Variants in PDZD2 observed in about 807,000 individuals in gnomAD.
The protein encoded by PDZD2 is PDZ domain-containing protein 2.
In PDZD2, 90 loss-of-function variants were observed where a neutral mutation model predicts 220.7. That is an observed-to-expected ratio of 0.41 (90% CI 0.34 to 0.49). The LOEUF is 0.49. Among genes scored for constraint, PDZD2 ranks in the 20% least tolerant of loss-of-function variants. PDZD2 has a pLI of 0.28. For missense variants in PDZD2, 3,174 were observed against 3,608.5 expected (o/e 0.88, Z 3.08); for synonymous variants, 1,375 against 1,450.5 (o/e 0.95, Z 1.18).
At position 32,104,956 on chromosome 5, in the gene PDZD2, G is replaced by A. The variant is rs1581511053; in HGVS notation, c.8354-3013G>A. Among the ~76,000 whole-genome samples the A allele has an allele frequency of 2.6e-5, 4 of 151,812 alleles. No individual in the cohort carries two copies. The East Asian group carries it at 7.8e-4, about 30-fold the overall frequency. ...TCAAGACCGGTCTGGGCCACATGAC[G>A]AGACTCCACCTCTACAAAAAATACA... On this transcript the variant is annotated intron_variant, in intron 24 of 24. Transcript: ENST00000438447.
At chr5:31,809,243 G>A (rs1008520264) in intron 2 of PDZD2, among the ~76,000 whole-genome samples, 2 of 152,190 alleles carry the variant, frequency 1.3e-5, no homozygotes, top group South Asian at 2.1e-4. Flanking sequence ...GAGGGCCGTC[G>A]CCTGCCATCT....
At chr5:31,842,861 T>G (rs1196770305) in intron 2 of PDZD2, among the ~76,000 whole-genome samples, 5 of 152,118 alleles carry the variant, frequency 3.3e-5, no homozygotes, top group Admixed American at 6.6e-5. Flanking sequence ...ACCCATGTTT[T>G]TTGTTGTTGT....
chr5:32,012,208 G>T (rs962608805), intron 6 of PDZD2, among the ~76,000 whole-genome samples: 2 of 152,018 alleles, frequency 1.3e-5, no homozygotes, highest in African/African-American at 4.8e-5. Flanking sequence ...TTGCTCAGCA[G>T]TTGTGCCCGG....
chr5:31,687,536 C>G (rs1272794745), intron 1 of PDZD2, among the ~76,000 whole-genome samples: 1 of 152,188 alleles, frequency 6.6e-6, no homozygotes, highest in Non-Finnish European at 1.5e-5. Context: ...CCATTACTAC[C>G]CAGTTCCAAA....
At chr5:31,650,931 G>T (rs1037994490) in intron 1 of PDZD2, among the ~76,000 whole-genome samples, 1 of 152,160 alleles carries the variant, frequency 6.6e-6, no homozygotes, top group Non-Finnish European at 1.5e-5. Flanking sequence ...ATTGAGTCTT[G>T]CTAAAAGACT....
At chr5:32,073,788 G>A (rs768711797) in intron 17 of PDZD2, 44 bp from the exon 18 acceptor site, 19 of 1,314,336 alleles carry the variant, frequency 1.4e-5, no homozygotes, top group Admixed American at 2.0e-5. Flanking sequence ...GGGCCAAGTG[G>A]GAAGCTCAAT....
intron 2 of PDZD2, among the ~76,000 whole-genome samples, chr5:31,837,411 T>C (rs1362134200): frequency 6.6e-6 from 1 of 152,154 alleles, no homozygotes; most frequent in African/African-American, 2.4e-5. Context: ...AGAATGGTTT[T>C]ATATTTTTAA....
intron 1 of PDZD2, among the ~76,000 whole-genome samples, chr5:31,640,031 GCT>G (rs548144493): frequency 2.0e-5 from 3 of 148,082 alleles, no homozygotes; most frequent in African/African-American, 2.4e-5. Context: ...GGGAAATCCT[GCT>G]CTCTCTCTGA....
chr5:31,672,411 G>T (rs1220753251), intron 1 of PDZD2, among the ~76,000 whole-genome samples: 2 of 152,210 alleles, frequency 1.3e-5, no homozygotes, highest in African/African-American at 4.8e-5. Context: ...GTACCTGCCA[G>T]TGTGGGATTT....
At chr5:32,078,710 C>T (rs1024080523) in intron 19 of PDZD2, among the ~76,000 whole-genome samples, 4 of 148,074 alleles carry the variant, frequency 2.7e-5, no homozygotes, top group Non-Finnish European at 5.9e-5. Context: ...AGGCTAAGAC[C>T]AGGAGGGTTA....
At chr5:31,927,372 T>C (rs552854390) in intron 2 of PDZD2, among the ~76,000 whole-genome samples, 1 of 95,988 alleles carries the variant, frequency 1.0e-5, no homozygotes, top group Admixed American at 1.1e-4. Context: ...TACTTTCTTT[T>C]TTGGGTGTTT....
At chr5:31,683,207 TAAAAA>T (rs35467814) in intron 1 of PDZD2, among the ~76,000 whole-genome samples, 6 of 129,056 alleles carry the variant, frequency 4.6e-5, no homozygotes, top group Non-Finnish European at 4.8e-5. Flanking sequence ...ATCAGAATGT[TAAAAA>T]AAAAAAAAAA....
intron 1 of PDZD2, among the ~76,000 whole-genome samples, chr5:31,782,820 T>C (rs1313046544): frequency 6.9e-6 from 1 of 144,130 alleles, no homozygotes; most frequent in Non-Finnish European, 1.5e-5. Flanking sequence ...TTCAAGCAAC[T>C]CTCCTGCCTC....
chr5:31,875,848 C>T lies in PDZD2; in HGVS notation c.476+76124C>T, dbSNP rs367903902. Among the ~76,000 whole-genome samples the T allele has an allele frequency of 3.6e-4, 55 of 151,798 alleles. No individual in the cohort carries two copies. In the East Asian group the frequency reaches 6.6e-3, roughly 18 times the overall value. ...TCTTCTGATAATTTGTCTATTCCTG[C>T]ATCAATGTTATGCTAATTACTATAG... On this transcript the variant is annotated intron_variant, in intron 2 of 24. Coordinates refer to ENST00000438447, the MANE Select transcript of PDZD2 (RefSeq NM_178140.4).
At chr5:31,832,316 A>T (rs1274927129) in intron 2 of PDZD2, 2 of 152,188 alleles carry the variant, frequency 1.3e-5, no homozygotes, top group Non-Finnish European at 2.9e-5. Flanking sequence ...GCCTGGTGTG[A>T]TGAAAAAGCC....
chr5:31,908,482 G>A (rs1742881125), intron 2 of PDZD2: 3 of 1,010,246 alleles, frequency 3.0e-6, no homozygotes, highest in African/African-American at 1.7e-5. Context: ...GGGTAACACT[G>A]ATGACTCGCT....
At chr5:31,894,739 C>T (rs1741382847) in intron 2 of PDZD2, among the ~76,000 whole-genome samples, 2 of 152,176 alleles carry the variant, frequency 1.3e-5, no homozygotes, top group South Asian at 2.1e-4. Context: ...AAGATAATGT[C>T]GTAAGTATGG....
chr5:31,828,944 T>C (rs1313848062), intron 2 of PDZD2, among the ~76,000 whole-genome samples: 2 of 152,232 alleles, frequency 1.3e-5, no homozygotes, highest in African/African-American at 2.4e-5. Context: ...TTGCCATGGA[T>C]TGTTTTCAAC....
intron 1 of PDZD2, among the ~76,000 whole-genome samples, chr5:31,660,543 G>A (rs1204683855): frequency 1.3e-5 from 2 of 152,270 alleles, no homozygotes; most frequent in Non-Finnish European, 2.9e-5. Flanking sequence ...GGTGGCAGGA[G>A]AGAGAAGTGC....
Sources: gnomAD v4.1 joint callset for allele counts (sites outside exome capture counted in the v4.1 genomes callset) on GRCh38, gnomAD v4.1.1 for gene constraint, MANE v1.5 for transcripts, NCBI Gene and HGNC (gene_info 2026-07-23, HGNC 2026-07-21) for gene names.